Variants in CAST observed in about 807,000 individuals in gnomAD.
The protein encoded by CAST is calpastatin.
Under a neutral mutation model 119.6 loss-of-function variants are expected in CAST, and 76 were observed. The observed-to-expected ratio is 0.64, with a 90% confidence interval of 0.53 to 0.77. CAST has a LOEUF of 0.77. CAST is among the 30% of genes least tolerant of loss of function. The pLI, the probability that CAST is intolerant of heterozygous loss-of-function variation, is 0.00. For missense variants in CAST, 953 were observed against 946.5 expected (o/e 1.01, Z -0.09); for synonymous variants, 319 against 331.6 (o/e 0.96, Z 0.41).
chr5:96,555,990 T>A (rs1410062618), intron 1 of CAST, among the ~76,000 whole-genome samples: 1 of 152,154 alleles, frequency 6.6e-6, no homozygotes, highest in Non-Finnish European at 1.5e-5. Flanking sequence ...CTCACATGGC[T>A]GGGTACTCCT....
the CAST span, among the ~76,000 whole-genome samples, chr5:96,346,867 A>G: frequency 6.6e-6 from 1 of 152,130 alleles, no homozygotes; most frequent in Non-Finnish European, 1.5e-5. Context: ...GAGTCTTTGA[A>G]TAGTAGGTGT....
At chr5:96,479,675 C>G in the CAST span, among the ~76,000 whole-genome samples, 3 of 152,044 alleles carry the variant, frequency 2.0e-5, no homozygotes, top group Non-Finnish European at 4.4e-5. Context: ...GTCTTTATCT[C>G]TTGGCCTCGC....
chr5:96,148,104 C>G, the CAST span, among the ~76,000 whole-genome samples: 64 of 152,290 alleles, frequency 4.2e-4, no homozygotes, highest in African/African-American at 1.5e-3. Context: ...CACAGGGACT[C>G]TTTGGTCATG....
chr5:96,742,739 A>G lies in CAST; in HGVS notation c.1183A>G (p.Ile395Val), dbSNP rs759499341. The change falls in exon 16 of 32, where the codon ATT becomes GTT. Residue 395 changes from isoleucine to valine, a missense_variant. By Grantham distance (29) the Ile-to-Val change is conservative. Transcript: ENST00000675179. ...AGAACCTGAGCTCGACCTCCGCTCA[A>G]TTAAGGAAGTCGATGAGGTACTGAC... ...QAEPELDLRS[I>V]KEVDEAKAKE... The G allele has an allele frequency of 1.5e-5, 24 of 1,613,336 alleles. No homozygotes were observed. The highest frequency in any genetic ancestry group is 1.1e-4 in the South Asian group (10 of 91,068).
At chr5:96,204,931 T>C in the CAST span, among the ~76,000 whole-genome samples, 1 of 152,116 alleles carries the variant, frequency 6.6e-6, no homozygotes, top group South Asian at 2.1e-4. Flanking sequence ...ATCATGAGTA[T>C]GAATTCCAAA....
chr5:96,294,295 TA>T, the CAST span, among the ~76,000 whole-genome samples: 1 of 152,188 alleles, frequency 6.6e-6, no homozygotes, highest in East Asian at 1.9e-4. Flanking sequence ...TTGAAGAAAA[TA>T]TGTGGAAGAA....
chr5:96,611,465 G>A (rs983438416), intron 1 of CAST, among the ~76,000 whole-genome samples: 1 of 152,014 alleles, frequency 6.6e-6, no homozygotes, highest in Non-Finnish European at 1.5e-5. Flanking sequence ...AACTCAAGAT[G>A]GATTAAAGGC....
chr5:96,550,498 G>A (rs1482035990), intron 1 of CAST, among the ~76,000 whole-genome samples: 5 of 152,244 alleles, frequency 3.3e-5, no homozygotes, highest in East Asian at 3.9e-4. Context: ...AAACCAGAAC[G>A]CCTCTTCTCC....
chr5:96,110,558 T>G, the CAST span, among the ~76,000 whole-genome samples: 1 of 152,196 alleles, frequency 6.6e-6, no homozygotes, highest in Non-Finnish European at 1.5e-5. Context: ...TCCTCACATT[T>G]ATATAACTTC....
the CAST span, among the ~76,000 whole-genome samples, chr5:96,001,890 C>T: frequency 5.3e-5 from 8 of 152,190 alleles, no homozygotes; most frequent in Admixed American, 5.2e-4. Context: ...AATGTACAGA[C>T]ACTGAGCCTA....
At chr5:95,997,254 A>C in the CAST span, among the ~76,000 whole-genome samples, 13 of 152,142 alleles carry the variant, frequency 8.5e-5, no homozygotes, top group Non-Finnish European at 1.6e-4. Context: ...GTTTCTTTCT[A>C]AAGAGGGTGT....
the CAST span, among the ~76,000 whole-genome samples, chr5:96,509,014 T>G: frequency 6.6e-6 from 1 of 152,236 alleles, no homozygotes; most frequent in Non-Finnish European, 1.5e-5. Context: ...AGTTAATACA[T>G]GTGCTTAAAA....
intron 9 of CAST, among the ~76,000 whole-genome samples, chr5:96,733,141 C>G (rs1760905956): frequency 6.6e-6 from 1 of 152,116 alleles, no homozygotes; most frequent in Non-Finnish European, 1.5e-5. Flanking sequence ...GCAACATTTA[C>G]AAAAACTTTT....
At chr5:96,756,796 G>C (rs1327111871) in intron 22 of CAST, among the ~76,000 whole-genome samples, 3 of 152,016 alleles carry the variant, frequency 2.0e-5, no homozygotes, top group African/African-American at 4.8e-5. Flanking sequence ...TTAGTATATA[G>C]ATCTCCTTTT....
At chr5:96,279,419 A>G in the CAST span, among the ~76,000 whole-genome samples, 2 of 152,156 alleles carry the variant, frequency 1.3e-5, no homozygotes, top group African/African-American at 2.4e-5. Context: ...TCCCCCTGCC[A>G]ATTTTCCTTT....
At chr5:96,742,584 A>C in intron 15 of CAST, 71 bp from the exon 16 acceptor site, 1 of 981,484 alleles carries the variant, frequency 1.0e-6, no homozygotes, top group South Asian at 1.4e-5. Context: ...TGTATTTTAC[A>C]AAGAAGTAAA....
At chr5:96,255,906 T>A in the CAST span, among the ~76,000 whole-genome samples, 1 of 152,266 alleles carries the variant, frequency 6.6e-6, no homozygotes, top group South Asian at 2.1e-4. Context: ...TGTGCTATGC[T>A]TTTACAGTTA....
chr5:96,607,181 G>A (rs1256110630), intron 1 of CAST, among the ~76,000 whole-genome samples: 1 of 152,106 alleles, frequency 6.6e-6, no homozygotes, highest in African/African-American at 2.4e-5. Context: ...CCAGCTACTC[G>A]AGAGGCTGAG....
the CAST span, among the ~76,000 whole-genome samples, chr5:96,495,555 A>C: frequency 6.6e-6 from 1 of 152,148 alleles, no homozygotes; most frequent in South Asian, 2.1e-4. Flanking sequence ...GCTGAGAATG[A>C]TGGTTTCCAG....
Sources: gnomAD v4.1 joint callset for allele counts (sites outside exome capture counted in the v4.1 genomes callset) on GRCh38, gnomAD v4.1.1 for gene constraint, MANE v1.5 for transcripts, NCBI Gene and HGNC (gene_info 2026-07-23, HGNC 2026-07-21) for gene names.